The following RNF216 variants were observed in gnomAD, a reference collection of about 807,000 sequenced individuals.
RNF216 encodes ring finger protein 216.
In RNF216, 72 loss-of-function variants were observed where a neutral mutation model predicts 110.8. That is an observed-to-expected ratio of 0.65 (90% CI 0.54 to 0.79). RNF216 has a LOEUF of 0.79. Ranked by LOEUF, RNF216 falls within the 30% of genes least tolerant of loss-of-function variation. The pLI is 0.00. For synonymous variants in RNF216, 495 were observed against 407.5 expected, an observed-to-expected ratio of 1.21 and a Z score of -2.59; for missense variants, 1,342 against 1,141.2, an observed-to-expected ratio of 1.18 and a Z score of -2.54.
At chr7:5,688,650 C>G (rs1008929136) in intron 13 of RNF216, among the ~76,000 whole-genome samples, 7 of 152,206 alleles carry the variant, frequency 4.6e-5, no homozygotes, top group Admixed American at 3.9e-4. Flanking sequence ...TCACTCTGCG[C>G]ACCTTACCTT....
At chr7:5,646,625 G>A (rs928330376) in intron 14 of RNF216, among the ~76,000 whole-genome samples, 2 of 151,830 alleles carry the variant, frequency 1.3e-5, no homozygotes, top group Admixed American at 6.6e-5. Flanking sequence ...CCTGGGAGGC[G>A]GAGGTTGCAG....
intron 13 of RNF216, among the ~76,000 whole-genome samples, chr7:5,678,209 C>G (rs1723878661): frequency 6.6e-6 from 1 of 152,172 alleles, no homozygotes; most frequent in African/African-American, 2.4e-5. Flanking sequence ...TGCTGACCGC[C>G]TGCTGTAACT....
chr7:5,701,292 G>A (rs1272048696), intron 13 of RNF216, among the ~76,000 whole-genome samples: 1 of 152,344 alleles, frequency 6.6e-6, no homozygotes, highest in South Asian at 2.1e-4. Context: ...AATGAGTTGA[G>A]TGGTGAGTGA....
At chr7:5,714,830 C>T (rs893934591) in intron 11 of RNF216, among the ~76,000 whole-genome samples, 13 of 152,152 alleles carry the variant, frequency 8.5e-5, no homozygotes, top group South Asian at 8.3e-4. Flanking sequence ...TGCTCCTCTG[C>T]GGCTAGGCGT....
At chr7:5,752,627 G>C (rs545211619) in intron 3 of RNF216, among the ~76,000 whole-genome samples, 1 of 152,140 alleles carries the variant, frequency 6.6e-6, no homozygotes, top group Non-Finnish European at 1.5e-5. Context: ...AATTTGGTGC[G>C]TTAATAGTCA....
chr7:5,751,235 T>A (rs766471256), intron 3 of RNF216, among the ~76,000 whole-genome samples: 1 of 152,120 alleles, frequency 6.6e-6, no homozygotes, highest in African/African-American at 2.4e-5. Flanking sequence ...ACCTATAAAG[T>A]ATATGCTGGG....
chr7:5,768,346 TAC>T (rs71004702), intron 1 of RNF216, among the ~76,000 whole-genome samples: 4,389 of 71,838 alleles, frequency 0.061, 242 homozygotes, highest in African/African-American at 0.12. Flanking sequence ...GGCAGGCAAA[TAC>T]ACACACACAC....
intron 3 of RNF216, among the ~76,000 whole-genome samples, chr7:5,746,305 T>G (rs574315461): frequency 1.3e-5 from 2 of 152,188 alleles, no homozygotes; most frequent in East Asian, 3.9e-4. Flanking sequence ...TTTGGGAATG[T>G]GGGGGCTCAC....
chr7:5,752,053 C>A (rs919077454), intron 3 of RNF216, among the ~76,000 whole-genome samples: 1 of 151,844 alleles, frequency 6.6e-6, no homozygotes, highest in Admixed American at 6.6e-5. Flanking sequence ...GGCCTGGTGG[C>A]GGGCGCCTGT....
At chr7:5,671,325 A>G (rs1789893356) in intron 13 of RNF216, among the ~76,000 whole-genome samples, 1 of 152,222 alleles carries the variant, frequency 6.6e-6, no homozygotes, top group Non-Finnish European at 1.5e-5. Context: ...CACACGTGCT[A>G]AAAAGACACA....
At chr7:5,745,373 A>G (rs1191123350) in intron 3 of RNF216, among the ~76,000 whole-genome samples, 4 of 152,256 alleles carry the variant, frequency 2.6e-5, no homozygotes, top group African/African-American at 4.8e-5. Context: ...AAAAGGCACC[A>G]TCACATTTAA....
intron 15 of RNF216, 68 bp downstream of exon 15, chr7:5,641,086 A>G: frequency 7.8e-7 from 1 of 1,280,102 alleles, no homozygotes. Context: ...TATATTCAAA[A>G]TATTTGTCAT....
At chr7:5,744,489 A>T (rs757493988) in intron 3 of RNF216, among the ~76,000 whole-genome samples, 1 of 152,152 alleles carries the variant, frequency 6.6e-6, no homozygotes, top group Admixed American at 6.6e-5. Context: ...GGGACACATA[A>T]TGGTTAGTTC....
chr7:5,780,892 A>C (rs1797047980), intron 1 of RNF216, among the ~76,000 whole-genome samples: 2 of 151,916 alleles, frequency 1.3e-5, no homozygotes, highest in African/African-American at 4.8e-5. Context: ...AGAGTCTTGG[A>C]TCCCTGGTCC....
At chr7:5,642,100 G>C (rs561949875) in intron 14 of RNF216, among the ~76,000 whole-genome samples, 27 of 149,966 alleles carry the variant, frequency 1.8e-4, no homozygotes, top group African/African-American at 6.6e-4. Context: ...TTTAGATAAA[G>C]TGCATTTAGT....
At chr7:5,707,061 C>A (rs1792339240) in intron 13 of RNF216, among the ~76,000 whole-genome samples, 1 of 152,162 alleles carries the variant, frequency 6.6e-6, no homozygotes. Context: ...GTTCTTTGCA[C>A]CCTTGTTGAA....
chr7:5,632,598 G>A (rs902597895), intron 15 of RNF216, among the ~76,000 whole-genome samples: 2 of 152,128 alleles, frequency 1.3e-5, no homozygotes, highest in Non-Finnish European at 2.9e-5. Flanking sequence ...CCAACATGGC[G>A]AAACCCCATC....
intron 13 of RNF216, among the ~76,000 whole-genome samples, chr7:5,699,537 C>T (rs1352445601): frequency 6.6e-6 from 1 of 152,222 alleles, no homozygotes; most frequent in Non-Finnish European, 1.5e-5. Context: ...TGAACACTAG[C>T]TTTTTGTTGT....
At chr7:5,640,238 G>A (rs1430207384) in intron 15 of RNF216, among the ~76,000 whole-genome samples, 1 of 152,076 alleles carries the variant, frequency 6.6e-6, no homozygotes, top group Non-Finnish European at 1.5e-5. Context: ...CTTTGTTTAT[G>A]ATGTCATTTG....
Sources: allele counts gnomAD v4.1 joint callset (sites outside exome capture counted in the v4.1 genomes callset), GRCh38; gene constraint gnomAD v4.1.1; transcripts MANE v1.5; gene names NCBI Gene and HGNC (gene_info 2026-07-23, HGNC 2026-07-21).